USH1C: variants seen among roughly 807,000 people sequenced by gnomAD.
The protein encoded by USH1C is USH1 protein network component harmonin.
In USH1C, 90 loss-of-function variants were observed where a neutral mutation model predicts 119.3. That is an observed-to-expected ratio of 0.75 (90% CI 0.64 to 0.90). The LOEUF is 0.90. USH1C is among the 40% of genes least tolerant of loss of function. The probability of loss-of-function intolerance (pLI) is 0.00; values close to 1 mark genes in which losing one functional copy is unlikely to be tolerated. For missense variants in USH1C, 1,165 were observed against 1,167.7 expected, an observed-to-expected ratio of 1.00 and a Z score of 0.03; for synonymous variants, 465 against 443.3, an observed-to-expected ratio of 1.05 and a Z score of -0.62.
At chr11:17,510,152 C>T (rs929877729) in intron 17 of USH1C, among the ~76,000 whole-genome samples, 1 of 152,104 alleles carries the variant, frequency 6.6e-6, no homozygotes, top group African/African-American at 2.4e-5. Flanking sequence ...GTCATGATGC[C>T]AGGACAACAG....
intron 1 of USH1C, among the ~76,000 whole-genome samples, chr11:17,535,333 T>C (rs759147033): frequency 6.6e-6 from 1 of 151,980 alleles, no homozygotes; most frequent in Middle Eastern, 3.4e-3. Flanking sequence ...CGTATGCTTG[T>C]TCCCTCTGCT....
At chr11:17,525,042 G>T (rs769406537) in intron 8 of USH1C, among the ~76,000 whole-genome samples, 1 of 152,080 alleles carries the variant, frequency 6.6e-6, no homozygotes. Flanking sequence ...TAAACTAGCC[G>T]CTCTGTTCTC....
rs1859824 is a variant in USH1C at position 17,495,860 on chromosome 11, G to C, written c.2547-183C>G. The stretch of plus-strand genomic sequence containing the variant: ...ATGTGTAGAGCTCAGATTCTGCTGG[G>C]CACGGGGAGCAAGCAGGCCCAGCCA... On this transcript the variant is annotated intron_variant, in intron 25 of 26. Transcript: ENST00000005226. Among the ~76,000 whole-genome samples, 142,380 of 150,684 alleles carry C rather than the reference G, an allele frequency of 0.94. 67,325 individuals are homozygous for C. Among genetic ancestry groups the C allele is most frequent in the Admixed American group, 0.98 (14,830 of 15,204 alleles).
chr11:17,544,396 G>A lies in USH1C; in HGVS notation c.-89C>T. 1.3e-6 allele frequency: 2 copies of A among 1,588,264 alleles called. No individual in the cohort carries two copies. The highest frequency in any genetic ancestry group is 1.7e-6 in the Non-Finnish European group (2 of 1,162,112). ...GCTGGAAAGAGCCGCGACCGCGACC[G>A]GGCCAGCCGCCCTCGGAGCTGGGGG... On this transcript the variant is annotated 5_prime_UTR_variant, in exon 1 of 27. Coordinates refer to ENST00000005226, the MANE Select transcript of USH1C (RefSeq NM_153676.4).
At chr11:17,516,347 A>G in intron 14 of USH1C, 57 bp from the exon 15 acceptor site, 1 of 1,563,476 alleles carries the variant, frequency 6.4e-7, no homozygotes, top group Non-Finnish European at 8.8e-7. Flanking sequence ...CAGAGCATCC[A>G]TGGGCAGCAG....
chr11:17,496,644 G>A (rs750932294), intron 25 of USH1C, 114 bp downstream of exon 25: 42 of 1,307,294 alleles, frequency 3.2e-5, no homozygotes, highest in African/African-American at 7.3e-5. Flanking sequence ...GAGAAGCTGC[G>A]TGCTTGGGCC....
At chr11:17,516,164 A>G in intron 15 of USH1C, 77 bp downstream of exon 15, 1 of 1,505,608 alleles carries the variant, frequency 6.6e-7, no homozygotes, top group Non-Finnish European at 9.2e-7. Flanking sequence ...TGTTGATAGG[A>G]CAAGGAATGT....
intron 12 of USH1C, among the ~76,000 whole-genome samples, chr11:17,522,308 G>T (rs2133874117): frequency 6.6e-6 from 1 of 152,280 alleles, no homozygotes; most frequent in East Asian, 1.9e-4. Flanking sequence ...AGATTGCCTG[G>T]GGGTGATCCC....
intron 2 of USH1C, 51 bp downstream of exon 2, chr11:17,533,204 G>T: frequency 6.9e-7 from 1 of 1,451,292 alleles, no homozygotes; most frequent in Non-Finnish European, 9.7e-7. Context: ...AGGGCTCCCT[G>T]AAGACAAAGG....
Position 17,522,788 on chromosome 11 carries a change from G to A in USH1C, c.1015C>T (p.Arg339Trp), listed in dbSNP as rs200837155. The A allele has an allele frequency of 7.4e-6, 12 of 1,613,894 alleles. No homozygotes were observed. The highest frequency in any genetic ancestry group is 2.7e-5 in the African/African-American group (2 of 75,010). Residue 339 changes from arginine to tryptophan, a missense_variant, in exon 12 of 27, where the codon CGG becomes TGG. Arg to Trp is a moderately radical substitution (Grantham distance 101). Transcript: ENST00000005226. ...KILQEQQEME[R>W]QRRKEIAQKA... ...TCCAGGGCTGGCTGCACTCACTGCC[G>A]CTCCATCTCCTGCTGCTCCTGGAGG...
chr11:17,526,653 C>T, intron 7 of USH1C, 100 bp downstream of exon 7: 1 of 1,382,260 alleles, frequency 7.2e-7, no homozygotes, highest in East Asian at 2.4e-5. Flanking sequence ...TGTGAAGCCC[C>T]TGAGGGTGCA....
At chr11:17,496,687 G>A in intron 25 of USH1C, 71 bp downstream of exon 25, 1 of 1,585,826 alleles carries the variant, frequency 6.3e-7, no homozygotes. Flanking sequence ...CTGGGGATGG[G>A]CTGGAGAAAG....
At chr11:17,536,946 G>A (rs2133943790) in intron 1 of USH1C, among the ~76,000 whole-genome samples, 1 of 152,350 alleles carries the variant, frequency 6.6e-6, no homozygotes, top group East Asian at 1.9e-4. Flanking sequence ...AGGAGATCCT[G>A]CAAAGGGAGG....
chr11:17,503,226 G>A (rs564352071), intron 20 of USH1C, among the ~76,000 whole-genome samples: 1 of 152,318 alleles, frequency 6.6e-6, no homozygotes, highest in Non-Finnish European at 1.5e-5. Flanking sequence ...AGGCAAGAAG[G>A]ATCATTGGGC....
At chr11:17,515,065 T>TTGTGTGTG (rs61540326) in intron 15 of USH1C, among the ~76,000 whole-genome samples, 4 of 150,396 alleles carry the variant, frequency 2.7e-5, no homozygotes, top group South Asian at 2.1e-4. Context: ...GTGTGTGTGC[T>TTGTGTGTG]TGTGTGTGTG....
rs774827709 is a variant in USH1C at position 17,495,676 on chromosome 11, C to T, written c.2548G>A (p.Ala850Thr). 3.1e-6 allele frequency: 5 copies of T among 1,614,126 alleles called. No individual in the cohort carries two copies. The highest frequency in any genetic ancestry group is 4.2e-6 in the Non-Finnish European group (5 of 1,179,998). The part of the protein sequence containing the change: ...CPPKEYDDEL[A>T]SLPSSVAESP... ...TCAGCTACGGAGGAGGGAAGAGAAG[C>T]TCTATATATACAGAGCAGAGCAAGA... Residue 850 changes from alanine to threonine, a missense_variant and splice_region_variant, in exon 26 of 27, where the codon GCT becomes ACT. Physicochemically the swap from Ala to Thr is moderately conservative, Grantham distance 58 (BLOSUM62 0). Coordinates refer to ENST00000005226, the MANE Select transcript of USH1C (RefSeq NM_153676.4).
chr11:17,498,714 A>G (rs906149273), intron 23 of USH1C, among the ~76,000 whole-genome samples: 1 of 152,134 alleles, frequency 6.6e-6, no homozygotes, highest in Non-Finnish European at 1.5e-5. Flanking sequence ...TCTAGGTCTG[A>G]GAGGAAATGT....
At chr11:17,506,025 A>T (rs1849635576) in intron 18 of USH1C, 76 bp from the exon 19 acceptor site, 1 of 1,603,580 alleles carries the variant, frequency 6.2e-7, no homozygotes, top group African/African-American at 1.4e-5. Flanking sequence ...ACTTCTACAC[A>T]CATGCAAATC....
intron 1 of USH1C, among the ~76,000 whole-genome samples, chr11:17,536,257 G>T (rs1452651072): frequency 6.6e-6 from 1 of 152,214 alleles, no homozygotes; most frequent in Non-Finnish European, 1.5e-5. Flanking sequence ...GAAAGAAGAT[G>T]GGACAGAGAA....
Sources: gnomAD v4.1 joint callset for allele counts (sites outside exome capture counted in the v4.1 genomes callset) on GRCh38, gnomAD v4.1.1 for gene constraint, MANE v1.5 for transcripts, NCBI Gene and HGNC (gene_info 2026-07-23, HGNC 2026-07-21) for gene names.